The following MTCL3 variants were observed in gnomAD, a reference collection of about 807,000 sequenced individuals.
The protein encoded by MTCL3 is microtubule cross-linking factor 3.
chr6:127,483,587 T>G, the MTCL3 span, among the ~76,000 whole-genome samples: 1 of 152,240 alleles, frequency 6.6e-6, no homozygotes, highest in Non-Finnish European at 1.5e-5. Context: ...GATACAGGAA[T>G]GTGGGCTTTT....
chr6:127,509,235 A>T, the MTCL3 span, among the ~76,000 whole-genome samples: 8 of 152,296 alleles, frequency 5.3e-5, no homozygotes, highest in South Asian at 6.2e-4. Flanking sequence ...TTTCAATACA[A>T]GCAATGAGAT....
At chr6:127,506,183 C>T in the MTCL3 span, among the ~76,000 whole-genome samples, 2 of 152,114 alleles carry the variant, frequency 1.3e-5, no homozygotes, top group African/African-American at 4.8e-5. Context: ...GAAAAAATGA[C>T]TATTATCTTT....
chr6:127,495,196 CAAA>C, the MTCL3 span, among the ~76,000 whole-genome samples: 445 of 137,384 alleles, frequency 3.2e-3, no homozygotes, highest in African/African-American at 0.011. Context: ...GACTCCATCT[CAAA>C]AAAAAAAAAA....
the MTCL3 span, chr6:127,473,123 G>A: frequency 1.7e-6 from 2 of 1,189,406 alleles, no homozygotes; most frequent in African/African-American, 1.6e-5. Context: ...ATTTGGTCTT[G>A]GTAAGATGAG....
chr6:127,515,731 C>G, the MTCL3 span: 19 of 1,594,362 alleles, frequency 1.2e-5, no homozygotes, highest in Non-Finnish European at 1.5e-5. This position sits in a 1 kb window ranked among gnomAD's most constrained non-coding sequence, Gnocchi z 4.3. Flanking sequence ...GGCAGGGGGG[C>G]CAGACACCGG....
chr6:127,499,260 A>T, the MTCL3 span, among the ~76,000 whole-genome samples: 1 of 152,200 alleles, frequency 6.6e-6, no homozygotes, highest in African/African-American at 2.4e-5. Context: ...ATAACGGGAG[A>T]TGAAGCTCTG....
the MTCL3 span, among the ~76,000 whole-genome samples, chr6:127,504,888 G>T: frequency 3.3e-3 from 505 of 152,244 alleles, 2 homozygotes; most frequent in African/African-American, 0.011. Context: ...CACATTCTGC[G>T]GTGAGAGCCT....
At chr6:127,484,024 G>C in the MTCL3 span, among the ~76,000 whole-genome samples, 3 of 152,276 alleles carry the variant, frequency 2.0e-5, no homozygotes, top group East Asian at 5.8e-4. Context: ...AATAGTGCTT[G>C]CCACATGGCA....
the MTCL3 span, chr6:127,476,244 C>T: frequency 2.3e-4 from 364 of 1,614,184 alleles, no homozygotes; most frequent in African/African-American, 4.3e-3. The surrounding 1 kb of genome is among the most constrained non-coding windows in gnomAD (Gnocchi z 4.4). Flanking sequence ...CTTCTTCCTC[C>T]ACCAGCCTTA....
the MTCL3 span, among the ~76,000 whole-genome samples, chr6:127,477,932 T>C: frequency 1.3e-5 from 2 of 152,254 alleles, no homozygotes; most frequent in East Asian, 3.9e-4. Context: ...CCACTGCACA[T>C]GCTGCCTCTA....
chr6:127,492,723 C>T, the MTCL3 span, among the ~76,000 whole-genome samples: 1 of 152,088 alleles, frequency 6.6e-6, no homozygotes, highest in South Asian at 2.1e-4. Context: ...AGGGTTTCAC[C>T]GTGTTAGCCA....
the MTCL3 span, chr6:127,516,482 G>A: frequency 6.9e-6 from 11 of 1,599,542 alleles, no homozygotes; most frequent in African/African-American, 1.3e-5. Flanking sequence ...CTGTCCCTCG[G>A]TCTAGCGGGT....
the MTCL3 span, among the ~76,000 whole-genome samples, chr6:127,499,330 G>T: frequency 5.9e-5 from 9 of 152,068 alleles, no homozygotes; most frequent in African/African-American, 1.9e-4. Flanking sequence ...TTCAACACAA[G>T]AATGAAATTT....
At chr6:127,514,683 T>G in the MTCL3 span, 32 of 669,238 alleles carry the variant, frequency 4.8e-5, no homozygotes, top group Non-Finnish European at 7.5e-5. Context: ...GACCCTAGTA[T>G]TTTGTGGTTA....
the MTCL3 span, among the ~76,000 whole-genome samples, chr6:127,499,516 A>G: frequency 2.0e-5 from 3 of 152,266 alleles, no homozygotes; most frequent in Admixed American, 6.5e-5. Flanking sequence ...AATAGAGCAC[A>G]TATGATTATC....
the MTCL3 span, among the ~76,000 whole-genome samples, chr6:127,508,329 T>C: frequency 6.6e-6 from 1 of 152,228 alleles, no homozygotes; most frequent in East Asian, 1.9e-4. Flanking sequence ...AATTTGCCTA[T>C]TAAAGTGTTC....
chr6:127,486,480 G>A, the MTCL3 span, among the ~76,000 whole-genome samples: 65 of 152,242 alleles, frequency 4.3e-4, no homozygotes, highest in Non-Finnish European at 4.4e-5. Context: ...ATGAAACTGT[G>A]TAACCTCCCC....
chr6:127,505,457 C>T, the MTCL3 span, among the ~76,000 whole-genome samples: 9 of 152,072 alleles, frequency 5.9e-5, no homozygotes, highest in African/African-American at 9.7e-5. Flanking sequence ...TACAAGTGGG[C>T]GCTAAATGAT....
At chr6:127,498,792 T>A in the MTCL3 span, among the ~76,000 whole-genome samples, 1 of 152,134 alleles carries the variant, frequency 6.6e-6, no homozygotes, top group African/African-American at 2.4e-5. Flanking sequence ...TCAAAAACAC[T>A]GGTCTAGGTG....
Sources: gnomAD v4.1 joint callset for allele counts (sites outside exome capture counted in the v4.1 genomes callset) on GRCh38, gnomAD v4.1.1 for gene constraint, Gnocchi (gnomAD v3.1) non-coding constraint, MANE v1.5 for transcripts, NCBI Gene and HGNC (gene_info 2026-07-23, HGNC 2026-07-21) for gene names.